Variants in RRM1 observed in about 807,000 individuals in gnomAD.
RRM1 encodes the protein ribonucleotide reductase catalytic subunit M1.
In RRM1, 19 loss-of-function variants were observed where a neutral mutation model predicts 101.5. That is an observed-to-expected ratio of 0.19 (90% CI 0.13 to 0.27). The LOEUF is 0.27. RRM1 is among the 10% of genes least tolerant of loss of function. The pLI is 1.00. For synonymous variants in RRM1, 298 were observed against 323.4 expected, an observed-to-expected ratio of 0.92 and a Z score of 0.84; for missense variants, 500 against 962.9, an observed-to-expected ratio of 0.52 and a Z score of 6.36.
intron 1 of RRM1, among the ~76,000 whole-genome samples, chr11:4,096,179 CCAT>C (rs1329436289): frequency 5.3e-5 from 8 of 152,132 alleles, no homozygotes; most frequent in African/African-American, 1.9e-4. Flanking sequence ...GCATGCACCA[CCAT>C]GAGTGGCTAA....
At chr11:4,109,981 T>C (rs976197167) in intron 5 of RRM1, among the ~76,000 whole-genome samples, 1 of 152,208 alleles carries the variant, frequency 6.6e-6, no homozygotes, top group Admixed American at 6.5e-5. Flanking sequence ...TAAGTATTTT[T>C]GCGTTGATAG....
At chr11:4,128,669 T>C (rs1425502203) in intron 14 of RRM1, among the ~76,000 whole-genome samples, 1 of 152,200 alleles carries the variant, frequency 6.6e-6, no homozygotes, top group Non-Finnish European at 1.5e-5. Flanking sequence ...ATTTCATTTC[T>C]GACATTCCTG....
intron 9 of RRM1, 128 bp from the exon 10 acceptor site, chr11:4,121,476 C>T: frequency 1.8e-6 from 1 of 554,094 alleles, no homozygotes. Flanking sequence ...TTTTATAATA[C>T]TTTTATTTAT....
At chr11:4,116,260 G>T (rs1374385833) in intron 7 of RRM1, 4 of 152,322 alleles carry the variant, frequency 2.6e-5, no homozygotes, top group Non-Finnish European at 4.4e-5. Context: ...GAGTCAGGGT[G>T]TCCGAGGTGG....
chr11:4,105,394 C>T (rs1226333080), intron 2 of RRM1, among the ~76,000 whole-genome samples: 3 of 151,882 alleles, frequency 2.0e-5, no homozygotes, highest in Non-Finnish European at 4.4e-5. Context: ...CCATGACTGG[C>T]TAATTTTTTT....
At chr11:4,108,516 T>G (rs1241864898) in intron 4 of RRM1, among the ~76,000 whole-genome samples, 1 of 139,666 alleles carries the variant, frequency 7.2e-6, no homozygotes, top group Non-Finnish European at 1.5e-5. Flanking sequence ...GAGAATGGCG[T>G]GAACCCGGGA....
chr11:4,134,215 G>T (rs985729058), intron 17 of RRM1, among the ~76,000 whole-genome samples: 1 of 151,932 alleles, frequency 6.6e-6, no homozygotes, highest in African/African-American at 2.4e-5. Context: ...CAGGTGATCC[G>T]CCTGCCTTGG....
chr11:4,110,996 G>A (rs2133296369), intron 5 of RRM1, among the ~76,000 whole-genome samples: 1 of 152,034 alleles, frequency 6.6e-6, no homozygotes, highest in Non-Finnish European at 1.5e-5. Flanking sequence ...AGTTGATGAT[G>A]ATGATGAATA....
intron 3 of RRM1, 138 bp downstream of exon 3, chr11:4,106,361 G>A: frequency 1.4e-6 from 1 of 703,524 alleles, no homozygotes; most frequent in Non-Finnish European, 2.4e-6. Context: ...CAATTTGGGA[G>A]GCCAAGGCAG....
chr11:4,134,004 T>TTTTTTTTA (rs2094604911), intron 17 of RRM1, among the ~76,000 whole-genome samples: 1 of 148,744 alleles, frequency 6.7e-6, no homozygotes, highest in African/African-American at 2.5e-5. Context: ...TTTTTTTTTT[T>TTTTTTTTA]GAGACGAAGT....
intron 1 of RRM1, 66 bp downstream of exon 1, chr11:4,095,097 A>T (rs2094541369): frequency 6.5e-7 from 1 of 1,527,174 alleles, no homozygotes; most frequent in Non-Finnish European, 8.9e-7. Context: ...GCCGGAGCTG[A>T]TGCCCAGACC....
chr11:4,134,711 G>C (rs2094606070), intron 17 of RRM1, among the ~76,000 whole-genome samples: 1 of 152,002 alleles, frequency 6.6e-6, no homozygotes, highest in Non-Finnish European at 1.5e-5. Context: ...TATTTTTTGT[G>C]TTTTCTGCAA....
chr11:4,096,255 T>A (rs2133280953), intron 1 of RRM1, among the ~76,000 whole-genome samples: 1 of 152,358 alleles, frequency 6.6e-6, no homozygotes, highest in Middle Eastern at 3.4e-3. Context: ...CTTGAATTCC[T>A]GGCCTCAAAC....
At chr11:4,102,521 G>A (rs966577517) in intron 2 of RRM1, among the ~76,000 whole-genome samples, 9 of 152,016 alleles carry the variant, frequency 5.9e-5, no homozygotes, top group African/African-American at 2.2e-4. Context: ...AGCCGGGCCT[G>A]GTGGTGGGCG....
intron 15 of RRM1, among the ~76,000 whole-genome samples, chr11:4,130,970 C>T (rs920373390): frequency 3.3e-5 from 5 of 151,616 alleles, no homozygotes; most frequent in Non-Finnish European, 7.4e-5. Flanking sequence ...AACCACCCCC[C>T]AAAAAAAGTA....
At chr11:4,130,088 T>TATATATATATATATATATATCTATATA (rs1235882420) in intron 15 of RRM1, among the ~76,000 whole-genome samples, 1 of 48,194 alleles carries the variant, frequency 2.1e-5, no homozygotes, top group East Asian at 6.3e-4. Context: ...ATATATATAT[T>TATATATATATATATATATATCTATATA]TTTTTTTTTT....
Position 4,138,643 on chromosome 11 carries a change from AAT to A in RRM1, c.*261_*262del. On this transcript the variant is annotated 3_prime_UTR_variant, in exon 19 of 19. Transcript: ENST00000300738. ...TGAGAATCAAAGTAGAAGTTTTAGG[AAT>A]GCAAAATAAGTCATCTTGCATACAG... 3.5e-6 allele frequency: 1 copy of A among 289,066 alleles called. No individual in the cohort carries two copies. The highest frequency in any genetic ancestry group is 6.4e-6 in the Non-Finnish European group (1 of 156,464). 17.9% of individuals were successfully genotyped at this position (289,066 alleles called of 1,614,324 possible).
At chr11:4,129,767 GC>G (rs1221798695) in intron 15 of RRM1, among the ~76,000 whole-genome samples, 6 of 151,936 alleles carry the variant, frequency 3.9e-5, no homozygotes, top group Admixed American at 3.9e-4. Context: ...TAATGCATAT[GC>G]AAAGTGATTA....
intron 5 of RRM1, among the ~76,000 whole-genome samples, chr11:4,111,367 C>T (rs1183257708): frequency 6.7e-6 from 1 of 148,394 alleles, no homozygotes; most frequent in Admixed American, 6.7e-5. Context: ...GCTGAGATTG[C>T]GCCACTGCAC....
Sources: gnomAD v4.1 joint callset for allele counts (sites outside exome capture counted in the v4.1 genomes callset) on GRCh38, gnomAD v4.1.1 for gene constraint, MANE v1.5 for transcripts, NCBI Gene and HGNC (gene_info 2026-07-23, HGNC 2026-07-21) for gene names.